The following PTPN14 variants were observed in gnomAD, a reference collection of about 807,000 sequenced individuals.
PTPN14 encodes tyrosine-protein phosphatase non-receptor type 14.
Under a neutral mutation model 126.8 loss-of-function variants are expected in PTPN14, and 53 were observed. That is an observed-to-expected ratio of 0.42 (90% confidence interval 0.34 to 0.53). PTPN14 has a LOEUF of 0.53. Among genes scored for constraint, PTPN14 ranks in the 20% least tolerant of loss-of-function variants. The pLI is 0.08. For synonymous variants in PTPN14, 630 were observed against 599.3 expected (o/e 1.05, Z -0.75); for missense variants, 1,257 against 1,552.9 (o/e 0.81, Z 3.20).
chr1:214,518,239 G>T (rs1254774605), intron 1 of PTPN14, among the ~76,000 whole-genome samples: 1 of 152,104 alleles, frequency 6.6e-6, no homozygotes, highest in Non-Finnish European at 1.5e-5. Flanking sequence ...AAAAATGTCA[G>T]AGATATTTCT....
At chr1:214,452,096 C>G in intron 2 of PTPN14, 122 bp from the exon 3 acceptor site, 1 of 1,033,326 alleles carries the variant, frequency 9.7e-7, no homozygotes. Context: ...ATATAAGATC[C>G]AGCTTTGACA....
Position 214,507,356 on chromosome 1 carries a change from T to A in PTPN14, c.-154-42399A>T, listed in dbSNP as rs1654868836. Among the ~76,000 whole-genome samples the A allele has an allele frequency of 3.9e-5, 6 of 152,208 alleles. No individual in the cohort carries two copies. In the South Asian group the frequency reaches 1.2e-3, roughly 31 times the overall value. ...TGTCTGCAAACCAGAAAGGCAGGAA[T>A]GCCTCCTGTCTCTAAGGCTACAGAT... On this transcript the variant is annotated intron_variant, in intron 1 of 18. Coordinates refer to ENST00000366956, the MANE Select transcript of PTPN14 (RefSeq NM_005401.5).
At chr1:214,492,570 T>C (rs1360143760) in intron 1 of PTPN14, among the ~76,000 whole-genome samples, 1 of 152,208 alleles carries the variant, frequency 6.6e-6, no homozygotes, top group Non-Finnish European at 1.5e-5. Flanking sequence ...AATGGTATCA[T>C]CAAATGAGGC....
chr1:214,509,887 G>A (rs957874213), intron 1 of PTPN14, among the ~76,000 whole-genome samples: 5 of 152,192 alleles, frequency 3.3e-5, no homozygotes, highest in Non-Finnish European at 1.5e-5. Context: ...CTATTGCAAG[G>A]ACAGAAAACC....
intron 1 of PTPN14, among the ~76,000 whole-genome samples, chr1:214,539,195 T>A (rs1388530879): frequency 1.3e-5 from 2 of 152,214 alleles, no homozygotes; most frequent in Non-Finnish European, 2.9e-5. Flanking sequence ...TCCAGGTAAC[T>A]TCTAAACCAA....
chr1:214,511,343 A>G (rs1000121660), intron 1 of PTPN14, among the ~76,000 whole-genome samples: 1 of 152,200 alleles, frequency 6.6e-6, no homozygotes. Flanking sequence ...TGTGTGACTC[A>G]ATTTAAAAAC....
Position 214,357,844 on chromosome 1 carries a change from G to A in PTPN14, c.*78C>T, listed in dbSNP as rs529259357. 1 of 1,380,094 alleles carries A rather than the reference G, an allele frequency of 7.2e-7. No individual in the cohort carries two copies. Among genetic ancestry groups the A allele is most frequent in the Non-Finnish European group, 1.0e-6 (1 of 983,980 alleles). The allele number at this position is 1,380,094 out of a possible 1,614,324, so 85.5% of individuals were successfully genotyped here. A position where few individuals can be genotyped will look rare whatever the true frequency, so the allele number is the denominator to read the frequency against. On this transcript the variant is annotated 3_prime_UTR_variant, in exon 19 of 19. Transcript: ENST00000366956. ...CCAGCCACCTGCACCCCTGTGGGGG[G>A]AGCAGATGTTGTCTGGAGGTGACTC...
At chr1:214,515,180 C>T (rs1655069209) in intron 1 of PTPN14, among the ~76,000 whole-genome samples, 1 of 152,068 alleles carries the variant, frequency 6.6e-6, no homozygotes. Flanking sequence ...AGAAAAAAGC[C>T]TTATTTCAGT....
rs936674996 is a variant in PTPN14, at chr1:214,506,066, T to G, written c.-154-41109A>C. Among the ~76,000 whole-genome samples the G allele has an allele frequency of 5.3e-5, 8 of 152,164 alleles. No homozygotes were observed. The South Asian group carries it at 6.2e-4, about 12-fold the overall frequency. On this transcript the variant is annotated intron_variant, in intron 1 of 18. Transcript: ENST00000366956. ...ACTGCTTAGGCAGCAGTGAGATTACTATGAAGAAGGGAAGCCAAGGACAAT... is the reference window on the plus strand; with the variant it reads ...ACTGCTTAGGCAGCAGTGAGATTACGATGAAGAAGGGAAGCCAAGGACAAT...
chr1:214,519,617 G>C (rs1254023215), intron 1 of PTPN14, among the ~76,000 whole-genome samples: 1 of 152,164 alleles, frequency 6.6e-6, no homozygotes, highest in East Asian at 1.9e-4. Flanking sequence ...CTAGCCTTCT[G>C]CTAGGTGATA....
In PTPN14 at chr1:214,471,045, C is replaced by A. The variant is rs1170714242; in HGVS notation, c.-154-6088G>T. 3.9e-3 allele frequency among the ~76,000 whole-genome samples: 471 copies of A among 120,470 alleles called. 1 individual carries two copies. The highest frequency in any genetic ancestry group is 0.013 in the African/African-American group (451 of 34,108). 79.0% of individuals were successfully genotyped at this position (120,470 alleles called of 152,430 possible). The stretch of plus-strand genomic sequence containing the variant: ...CATCTCAAAAAAAAAAAAAACAAAA[C>A]AAAAAAACAACTACACTTGAACCCC... On this transcript the variant is annotated intron_variant, in intron 1 of 18. Transcript: ENST00000366956.
At chr1:214,380,359 A>C (rs917026508) in intron 13 of PTPN14, among the ~76,000 whole-genome samples, 1 of 152,214 alleles carries the variant, frequency 6.6e-6, no homozygotes, top group Non-Finnish European at 1.5e-5. Context: ...GTGATAAATC[A>C]AAGTATGTCT....
At chr1:214,474,528 C>A (rs983147144) in intron 1 of PTPN14, among the ~76,000 whole-genome samples, 1 of 152,166 alleles carries the variant, frequency 6.6e-6, no homozygotes, top group Non-Finnish European at 1.5e-5. Context: ...CCACAGCATA[C>A]AAATCGGTGT....
intron 18 of PTPN14, among the ~76,000 whole-genome samples, chr1:214,360,307 T>G (rs1200171823): frequency 6.6e-6 from 1 of 152,148 alleles, no homozygotes; most frequent in Non-Finnish European, 1.5e-5. Flanking sequence ...TATCACAAAC[T>G]TGCGACGTTG....
intron 1 of PTPN14, among the ~76,000 whole-genome samples, chr1:214,543,228 A>G (rs1655885441): frequency 6.6e-6 from 1 of 152,182 alleles, no homozygotes; most frequent in Non-Finnish European, 1.5e-5. Context: ...TCCAAACCTG[A>G]AAGGTTTATA....
chr1:214,455,851 T>C, intron 2 of PTPN14, among the ~76,000 whole-genome samples: 1 of 152,146 alleles, frequency 6.6e-6, no homozygotes, highest in East Asian at 1.9e-4. Context: ...TCTTTTGGTA[T>C]TATGGAAAGA....
At chr1:214,539,370 T>C (rs1655784404) in intron 1 of PTPN14, among the ~76,000 whole-genome samples, 1 of 152,148 alleles carries the variant, frequency 6.6e-6, no homozygotes. Context: ...CACACACAGA[T>C]TTCAAAGTAC....
intron 1 of PTPN14, among the ~76,000 whole-genome samples, chr1:214,543,767 C>T (rs374008267): frequency 6.6e-5 from 10 of 152,046 alleles, no homozygotes; most frequent in South Asian, 2.1e-4. Flanking sequence ...TACAGGTGCA[C>T]GCCACCATGC....
chr1:214,405,682 T>G (rs970365858), intron 5 of PTPN14, among the ~76,000 whole-genome samples: 11 of 151,040 alleles, frequency 7.3e-5, no homozygotes, highest in African/African-American at 2.7e-4. Context: ...TTGCAAGACA[T>G]AGAGACAGAA....
Sources: allele counts gnomAD v4.1 joint callset (sites outside exome capture counted in the v4.1 genomes callset), GRCh38; gene constraint gnomAD v4.1.1; transcripts MANE v1.5; gene names NCBI Gene and HGNC (gene_info 2026-07-23, HGNC 2026-07-21).